The following PELP1 variants were observed in gnomAD, a reference collection of about 807,000 sequenced individuals.
The protein encoded by PELP1 is proline-, glutamic acid- and leucine-rich protein 1.
A neutral mutation model predicts 95.5 loss-of-function variants in PELP1; 32 were observed. That is an observed-to-expected ratio of 0.34 (90% CI 0.25 to 0.45). The LOEUF (loss-of-function observed/expected upper bound fraction) is 0.45. Ranked by LOEUF, PELP1 falls within the 20% of genes least tolerant of loss-of-function variation. The probability of loss-of-function intolerance (pLI) is 1.00; values close to 1 mark genes in which losing one functional copy is unlikely to be tolerated. For missense variants in PELP1, 1,358 were observed against 1,444.8 expected (o/e 0.94, Z 0.97); for synonymous variants, 668 against 600.1 (o/e 1.11, Z -1.65).
chr17:4,683,668 T>C (rs1304777131), intron 3 of PELP1, among the ~76,000 whole-genome samples: 3 of 151,084 alleles, frequency 2.0e-5, no homozygotes, highest in African/African-American at 7.3e-5. Context: ...GTAGCTGGGA[T>C]TACAGGCATG....
chr17:4,682,661 TC>T, intron 4 of PELP1, 88 bp from the exon 5 acceptor site: 1 of 1,439,476 alleles, frequency 6.9e-7, no homozygotes, highest in Non-Finnish European at 9.7e-7. Flanking sequence ...AGGGCCCTTC[TC>T]CAGAAATCAC....
At chr17:4,677,645 C>T (rs1386272305) in intron 5 of PELP1, among the ~76,000 whole-genome samples, 2 of 152,188 alleles carry the variant, frequency 1.3e-5, no homozygotes, top group African/African-American at 2.4e-5. Flanking sequence ...TAAAAAAGCA[C>T]AGGCTGGGTG....
rs376432199 is a variant in PELP1 at position 4,672,453 on chromosome 17, C to G, written c.2538G>C (p.Pro846=). ...GCGTCACAGGACCAGGAACAGGCGG[C>G]GGCGGAGGTGGGGGTGGCGGGAGAG... ...PGPLPPPPPP[P]PPVPGPVTLP... The change falls in exon 16 of 17, where the codon CCG becomes CCC. Residue 846 remains proline (P), a synonymous_variant. Coordinates refer to ENST00000572293, the MANE Select transcript of PELP1 (RefSeq NM_014389.3). 9 of 1,514,270 alleles carry G rather than the reference C, an allele frequency of 5.9e-6. No individual in the cohort carries two copies. The South Asian group carries it at 9.9e-5, about 17-fold the overall frequency. 93.8% of individuals were successfully genotyped at this position (1,514,270 alleles called of 1,614,324 possible).
At chr17:4,683,642 T>G (rs1331062836) in intron 3 of PELP1, among the ~76,000 whole-genome samples, 1 of 150,702 alleles carries the variant, frequency 6.6e-6, no homozygotes, top group Admixed American at 6.6e-5. Flanking sequence ...GTGATTCTCA[T>G]GCCTCAGCCT....
At chr17:4,702,306 C>G (rs889585316) in intron 1 of PELP1, among the ~76,000 whole-genome samples, 2 of 152,154 alleles carry the variant, frequency 1.3e-5, no homozygotes, top group Admixed American at 1.3e-4. Context: ...GTGGTCCCAG[C>G]TACTCTGGAG....
rs2150569784 is a variant in PELP1 at position 4,704,043 on chromosome 17, A to C, written c.69T>G (p.Gly23=). 1 of 1,611,976 alleles carries C rather than the reference A, an allele frequency of 6.2e-7. No individual in the cohort carries two copies. Among genetic ancestry groups the C allele is most frequent in the Non-Finnish European group, 8.5e-7 (1 of 1,179,570 alleles). Residue 23 remains glycine, a synonymous_variant, in exon 1 of 17, where the codon GGT becomes GGG. Coordinates refer to ENST00000572293, the MANE Select transcript of PELP1 (RefSeq NM_014389.3). The part of the protein sequence containing the change: ...SAAGVPGGTG[G]LSAVSSGPRL... Reference sequence around the variant, plus strand: ...GCGGGCCCGAGCTCACTGCCGAGAGACCCCCGGTCCCGCCAGGAACCCCAG... The same window carrying C: ...GCGGGCCCGAGCTCACTGCCGAGAGCCCCCCGGTCCCGCCAGGAACCCCAG...
In PELP1 at chr17:4,682,672, CT is replaced by C. The variant is rs540985551; in HGVS notation, c.571-100del. 638 of 1,448,586 alleles carry C rather than the reference CT, an allele frequency of 4.4e-4. 4 individuals carry two copies. The African/African-American group carries it at 5.4e-3, about 12-fold the overall frequency. The allele number at this position is 1,448,586 out of a possible 1,614,324, so 89.7% of individuals were successfully genotyped here. ...CACAAGGGCCCTTCTCCAGAAATCA[CT>C]TTTTCTTGGCCCCTCCCTCTTCTCA... is the stretch of plus-strand genomic sequence containing the variant. On this transcript the variant is annotated intron_variant, in intron 4 of 16. Coordinates refer to ENST00000572293, the MANE Select transcript of PELP1 (RefSeq NM_014389.3).
chr17:4,683,510 C>G (rs56138123), intron 3 of PELP1, among the ~76,000 whole-genome samples: 3,362 of 133,186 alleles, frequency 0.025, 170 homozygotes, highest in African/African-American at 0.082. Flanking sequence ...TGAGCCATCA[C>G]GCCCAGCTGA....
rs1396228309 is a variant in PELP1 at position 4,671,216 on chromosome 17, G to C, written c.*223C>G. On this transcript the variant is annotated 3_prime_UTR_variant, in exon 17 of 17. Coordinates refer to ENST00000572293, the MANE Select transcript of PELP1 (RefSeq NM_014389.3). Reference sequence around the variant, plus strand: ...CCTACAATTCTGACACCATCGTGCTGAGTGATGGGACAGTCCATTACACCA... The same window carrying C: ...CCTACAATTCTGACACCATCGTGCTCAGTGATGGGACAGTCCATTACACCA... 1 of 574,214 alleles carries C rather than the reference G, an allele frequency of 1.7e-6. No individual in the cohort carries two copies. Among genetic ancestry groups the C allele is most frequent in the Non-Finnish European group, 3.1e-6 (1 of 323,222 alleles). 35.6% of individuals were successfully genotyped at this position (574,214 alleles called of 1,614,324 possible).
chr17:4,684,316 C>T (rs1454103837), intron 3 of PELP1, among the ~76,000 whole-genome samples: 2 of 152,160 alleles, frequency 1.3e-5, no homozygotes, highest in Non-Finnish European at 2.9e-5. Flanking sequence ...ATTTCCAAAT[C>T]GCTACTTCTC....
intron 6 of PELP1, 60 bp from the exon 7 acceptor site, chr17:4,676,567 C>T: frequency 1.3e-6 from 2 of 1,591,182 alleles, no homozygotes; most frequent in Non-Finnish European, 1.7e-6. Flanking sequence ...ACAGAACCCC[C>T]AGCCCCACTG....
intron 3 of PELP1, among the ~76,000 whole-genome samples, chr17:4,683,590 G>C (rs1912798483): frequency 7.0e-6 from 1 of 143,266 alleles, no homozygotes; most frequent in African/African-American, 2.6e-5. Flanking sequence ...GAATGCACTG[G>C]GGCAATCTCA....
chr17:4,701,608 C>A (rs1913539784), intron 1 of PELP1, among the ~76,000 whole-genome samples: 2 of 152,184 alleles, frequency 1.3e-5, no homozygotes, highest in Admixed American at 6.5e-5. Flanking sequence ...GCTTGCAGTA[C>A]CTGCGGAAAA....
intron 1 of PELP1, among the ~76,000 whole-genome samples, chr17:4,695,975 G>C (rs1297111191): frequency 6.7e-6 from 1 of 149,892 alleles, no homozygotes; most frequent in Non-Finnish European, 1.5e-5. Flanking sequence ...CCGCAGTAAA[G>C]CTGTTTTTAT....
In PELP1 at chr17:4,682,561, C is replaced by T. The variant is rs1335226313; in HGVS notation, c.583G>A (p.Ala195Thr). 1.9e-6 allele frequency: 3 copies of T among 1,612,666 alleles called. No homozygotes were observed. The highest frequency in any genetic ancestry group is 2.5e-6 in the Non-Finnish European group (3 of 1,178,782). The change falls in exon 5 of 17, where the codon GCA becomes ACA. Residue 195 changes from alanine (A) to threonine (T), a missense_variant. By Grantham distance (58) the Ala-to-Thr change is moderately conservative. Coordinates refer to ENST00000572293, the MANE Select transcript of PELP1 (RefSeq NM_014389.3). ...LGLRPECEQS[A>T]LEGMKACMTY... ...ATACAAGCCTTCATTCCTTCCAATG[C>T]TGACTGCTCACACTGTAGGAAAAAC...
chr17:4,673,430 C>A lies in PELP1; in HGVS notation c.1665G>T (p.Leu555=). 1 of 1,594,096 alleles carries A rather than the reference C, an allele frequency of 6.3e-7. No individual in the cohort carries two copies. The highest frequency in any genetic ancestry group is 1.1e-5 in the South Asian group (1 of 88,080). ...CCTCACCCTGCTGTACACCCATGAC[C>A]AGGGGGAGGACCAGGTCATGCAGTC... ...HRRLHDLVLP[L]VMGVQQGEVL... Residue 555 remains leucine, a synonymous_variant, in exon 15 of 17, where the codon CTG becomes CTT. Coordinates refer to ENST00000572293, the MANE Select transcript of PELP1 (RefSeq NM_014389.3). The surrounding 1 kb of genome is among the most constrained non-coding windows in gnomAD (Gnocchi z 5.7).
At chr17:4,700,938 A>AAAAG (rs1555555226) in intron 1 of PELP1, among the ~76,000 whole-genome samples, 5 of 149,308 alleles carry the variant, frequency 3.3e-5, no homozygotes, top group Non-Finnish European at 4.4e-5. Flanking sequence ...CAAAAAAAAA[A>AAAAG]AAAAGAAAAG....
At chr17:4,679,809 G>C (rs1912626913) in intron 5 of PELP1, among the ~76,000 whole-genome samples, 1 of 152,174 alleles carries the variant, frequency 6.6e-6, no homozygotes, top group African/African-American at 2.4e-5. Flanking sequence ...TGTGATTAGA[G>C]GCATTCACAT....
chr17:4,697,774 C>T (rs1359900441), intron 1 of PELP1, among the ~76,000 whole-genome samples: 2 of 151,866 alleles, frequency 1.3e-5, no homozygotes, highest in Non-Finnish European at 2.9e-5. Flanking sequence ...ACGGAACAAC[C>T]ATCATAGTAA....
Sources: allele counts gnomAD v4.1 joint callset (sites outside exome capture counted in the v4.1 genomes callset), GRCh38; gene constraint gnomAD v4.1.1; non-coding constraint Gnocchi (gnomAD v3.1); transcripts MANE v1.5; gene names NCBI Gene and HGNC (gene_info 2026-07-23, HGNC 2026-07-21).